Variants in FANCA observed in about 807,000 individuals in gnomAD.
FANCA encodes the protein FA complementation group A, also known as Fanconi anemia group A protein.
In FANCA, 236 loss-of-function variants were observed where a neutral mutation model predicts 194.3. The ratio of observed to expected loss-of-function variants is 1.21; its 90% CI spans 1.09 to 1.35. The LOEUF is 1.35. Among genes scored for constraint, FANCA ranks in the 40% most tolerant of loss-of-function variants. The pLI is 0.00. For missense variants in FANCA, 2,628 were observed against 1,813.9 expected (o/e 1.45, Z -8.15); for synonymous variants, 1,014 against 715.8 (o/e 1.42, Z -6.65).
At chr16:89,815,335 C>CTTTTT (rs562815235) in intron 2 of FANCA, among the ~76,000 whole-genome samples, 35 of 66,540 alleles carry the variant, frequency 5.3e-4, no homozygotes, top group Middle Eastern at 0.017. Context: ...CCACGCCCGG[C>CTTTTT]TTTTTTTTTT....
At chr16:89,795,237 A>T (rs1199130800) in intron 11 of FANCA, among the ~76,000 whole-genome samples, 1 of 151,818 alleles carries the variant, frequency 6.6e-6, no homozygotes, top group Non-Finnish European at 1.5e-5. Context: ...GTGAGCCCAA[A>T]TCACGCCACT....
At chr16:89,770,141 T>C (rs1396852709) in intron 25 of FANCA, 25 bp downstream of exon 25, 1 of 1,572,040 alleles carries the variant, frequency 6.4e-7, no homozygotes, top group Non-Finnish European at 8.6e-7. Flanking sequence ...CCCCCAAGGG[T>C]GGCCCCCATG....
chr16:89,753,792 C>T (rs55691337), intron 30 of FANCA, among the ~76,000 whole-genome samples: 1 of 152,290 alleles, frequency 6.6e-6, no homozygotes, highest in Admixed American at 6.5e-5. Context: ...CGGTGGCTCA[C>T]GCCTGTAATC....
chr16:89,782,993 G>C lies in FANCA; in HGVS notation c.1566+14C>G, dbSNP rs771571485. Reference sequence around the variant, plus strand: ...GGGACAGGTGTGAGGAGTGGGCATGGAGGGACAGCTTGCCTTGAGGTCGGC... The same window carrying C: ...GGGACAGGTGTGAGGAGTGGGCATGCAGGGACAGCTTGCCTTGAGGTCGGC... On this transcript the variant is annotated intron_variant, in intron 16 of 42. Coordinates refer to ENST00000389301, the MANE Select transcript of FANCA (RefSeq NM_000135.4). 5 of 1,613,292 alleles carry C rather than the reference G, an allele frequency of 3.1e-6. No individual in the cohort carries two copies. Among genetic ancestry groups the C allele is most frequent in the Non-Finnish European group, 4.2e-6 (5 of 1,179,190 alleles).
At chr16:89,793,202 G>T (rs1015291824) in intron 11 of FANCA, among the ~76,000 whole-genome samples, 1 of 152,098 alleles carries the variant, frequency 6.6e-6, no homozygotes, top group Non-Finnish European at 1.5e-5. Flanking sequence ...GTAGTGAGTG[G>T]TGTTCCTTGA....
intron 26 of FANCA, 188 bp downstream of exon 26, chr16:89,769,647 AAG>A: frequency 4.5e-6 from 3 of 668,850 alleles, no homozygotes; most frequent in East Asian, 2.7e-5. Flanking sequence ...TTTATGAACA[AAG>A]AAACAAACGC....
At chr16:89,749,164 A>G (rs1158944034) in intron 32 of FANCA, among the ~76,000 whole-genome samples, 1 of 152,026 alleles carries the variant, frequency 6.6e-6, no homozygotes, top group African/African-American at 2.4e-5. Flanking sequence ...ACTTTTCCCT[A>G]CTTTCACAAG....
In FANCA at chr16:89,811,033, G is replaced by A. The variant is rs761430527; in HGVS notation, c.322C>T (p.Pro108Ser). 1 of 1,614,026 alleles carries A rather than the reference G, an allele frequency of 6.2e-7. No individual in the cohort carries two copies. The change falls in exon 4 of 43, where the codon CCC becomes TCC. Residue 108 changes from proline (P) to serine (S), a missense_variant. By Grantham distance (74) the Pro-to-Ser change is moderately conservative. Transcript: ENST00000389301. ...ATCCCGGCTGAGAGAATACCCACGG[G>A]AACCCCCAGCCTTGAGGCTTGATCC... ...LQDQASRLGV[P>S]VGILSAGMVA...
intron 35 of FANCA, among the ~76,000 whole-genome samples, chr16:89,745,891 C>T (rs72807553): frequency 0.12 from 17,934 of 151,706 alleles, 1,569 homozygotes; most frequent in Middle Eastern, 0.28. Flanking sequence ...TTCTAAACAC[C>T]GAAGAGTTCA....
chr16:89,750,454 G>C (rs1343347633), intron 31 of FANCA, among the ~76,000 whole-genome samples: 2 of 147,788 alleles, frequency 1.4e-5, no homozygotes, highest in South Asian at 4.3e-4. Flanking sequence ...CTGCACTTCA[G>C]ACTGGGCAAC....
At chr16:89,815,827 A>G (rs2041091187) in intron 2 of FANCA, 50 bp downstream of exon 2, 2 of 1,454,198 alleles carry the variant, frequency 1.4e-6, no homozygotes, top group East Asian at 2.3e-5. Flanking sequence ...GCTGGACTCA[A>G]AAACCCCGAA....
intron 7 of FANCA, among the ~76,000 whole-genome samples, chr16:89,804,497 A>C (rs575872421): frequency 1.1e-4 from 16 of 152,116 alleles, no homozygotes; most frequent in African/African-American, 3.6e-4. Context: ...ACTACTCCTC[A>C]AGCTGGATTG....
rs2040073158 is a variant in FANCA at position 89,791,417 on chromosome 16, C to T, written c.1345G>A (p.Ala449Thr). 1.9e-6 allele frequency: 3 copies of T among 1,614,056 alleles called. No individual in the cohort carries two copies. The highest frequency in any genetic ancestry group is 2.5e-6 in the Non-Finnish European group (3 of 1,179,976). Residue 449 changes from alanine (A) to threonine (T), a missense_variant, in exon 14 of 43, where the codon GCA becomes ACA. By Grantham distance (58) the Ala-to-Thr change is moderately conservative. Coordinates refer to ENST00000389301, the MANE Select transcript of FANCA (RefSeq NM_000135.4). ...LEGPSAFLSY[A>T]DWFKASFGST... ...AGGTCACTTACCTTGAACCAGTCTG[C>T]ATATGACAGGAACGCAGAGGGGCCC...
At chr16:89,780,518 G>T (rs565132611) in intron 17 of FANCA, among the ~76,000 whole-genome samples, 1 of 152,004 alleles carries the variant, frequency 6.6e-6, no homozygotes, top group East Asian at 1.9e-4. Context: ...CAGCTACTCA[G>T]GACGTGGAGG....
intron 21 of FANCA, among the ~76,000 whole-genome samples, chr16:89,774,496 C>T (rs535501062): frequency 1.3e-5 from 2 of 151,902 alleles, no homozygotes; most frequent in African/African-American, 2.4e-5. Context: ...TGTGGGAGGC[C>T]GAGGCGGGTG....
chr16:89,773,200 T>C, intron 22 of FANCA, 71 bp downstream of exon 22: 1 of 1,210,662 alleles, frequency 8.3e-7, no homozygotes, highest in Non-Finnish European at 1.2e-6. Context: ...ATGGGGAAAA[T>C]GGCCCAGCCA....
intron 14 of FANCA, 170 bp downstream of exon 14, chr16:89,791,233 A>C (rs2040065508): frequency 1.2e-6 from 1 of 864,452 alleles, no homozygotes; most frequent in Admixed American, 2.1e-5. Context: ...GACAGGGAGA[A>C]CCCAGGCTCC....
chr16:89,741,416 C>T (rs1351199472), intron 37 of FANCA, among the ~76,000 whole-genome samples: 2 of 152,238 alleles, frequency 1.3e-5, no homozygotes, highest in East Asian at 3.8e-4. Flanking sequence ...GCGCTGCTGT[C>T]GATCCAGCTT....
Position 89,762,029 on chromosome 16 carries a change from A to C in FANCA, c.2779-7T>G, listed in dbSNP as rs17233253. ...ACCAGTCTTGGTAAGTTAACTGAGA[A>C]AGAGAGCAAGCAATTCAATACAATG... On this transcript the variant is annotated splice_polypyrimidine_tract_variant and splice_region_variant and intron_variant, in intron 28 of 42. Transcript: ENST00000389301. The C allele has an allele frequency of 6.2e-7, 1 of 1,610,120 alleles. No homozygotes were observed.
Sources: gnomAD v4.1 joint callset for allele counts (sites outside exome capture counted in the v4.1 genomes callset) on GRCh38, gnomAD v4.1.1 for gene constraint, MANE v1.5 for transcripts, NCBI Gene and HGNC (gene_info 2026-07-23, HGNC 2026-07-21) for gene names.